The following CNTNAP3 variants were observed in gnomAD, a reference collection of about 807,000 sequenced individuals.
CNTNAP3 encodes contactin-associated protein-like 3.
In CNTNAP3, 36 loss-of-function variants were observed where a neutral mutation model predicts 92.1. That is an observed-to-expected ratio of 0.39 (90% confidence interval 0.30 to 0.52). CNTNAP3 has a LOEUF of 0.52. Ranked by LOEUF, CNTNAP3 falls within the 20% of genes least tolerant of loss-of-function variation. The pLI is 0.76. For missense variants in CNTNAP3, 534 were observed against 1,069.6 expected, an observed-to-expected ratio of 0.50 and a Z score of 6.98; for synonymous variants, 232 against 422.3, an observed-to-expected ratio of 0.55 and a Z score of 5.53.
At chr9:39,119,355 CAAAAA>C (rs35344011) in intron 13 of CNTNAP3, among the ~76,000 whole-genome samples, 2 of 101,278 alleles carry the variant, frequency 2.0e-5, no homozygotes, top group Non-Finnish European at 4.2e-5. Context: ...GCCCCTCTGC[CAAAAA>C]AAAAAAAAAA....
Position 39,247,474 on chromosome 9 carries a change from C to A in CNTNAP3, c.197-8288G>T, listed in dbSNP as rs2118317077. Among the ~76,000 whole-genome samples the A allele has an allele frequency of 7.4e-4, 2 of 2,700 alleles. 1 individual carries two copies. Among genetic ancestry groups the A allele is most frequent in the African/African-American group, 7.8e-4 (2 of 2,568 alleles). The allele number at this position is 2,700 out of a possible 152,430, so 1.8% of individuals were successfully genotyped here. On this transcript the variant is annotated intron_variant, in intron 2 of 23. Transcript: ENST00000297668. ...CACGTTTAGGGTCCGTAACCCCCAC[C>A]ACAATCAAGAAAGAGAACGACTTCA...
chr9:39,101,189 A>G (rs961875524), intron 17 of CNTNAP3, among the ~76,000 whole-genome samples: 4 of 149,074 alleles, frequency 2.7e-5, no homozygotes, highest in African/African-American at 9.9e-5. Context: ...ACTGCACCTT[A>G]ATAGAAGAGC....
intron 15 of CNTNAP3, among the ~76,000 whole-genome samples, chr9:39,107,240 GGAAA>G (rs971228009): frequency 1.5e-3 from 226 of 147,582 alleles, no homozygotes; most frequent in African/African-American, 5.5e-3. Context: ...AAAGAAGACA[GGAAA>G]GAAAGAAAGA....
chr9:39,141,440 A>T (rs377476999), intron 11 of CNTNAP3, among the ~76,000 whole-genome samples: 1 of 152,182 alleles, frequency 6.6e-6, no homozygotes, highest in Non-Finnish European at 1.5e-5. Context: ...AAGCTGATTT[A>T]AAAAAGAAAC....
At chr9:39,099,491 C>T (rs546987548) in intron 18 of CNTNAP3, among the ~76,000 whole-genome samples, 118 of 152,258 alleles carry the variant, frequency 7.7e-4, no homozygotes, top group African/African-American at 2.4e-3. Flanking sequence ...ATGGGTAAGA[C>T]GATTGCTCAA....
chr9:39,152,780 C>T lies in CNTNAP3; in HGVS notation c.1478-2803G>A, dbSNP rs1270259385. On this transcript the variant is annotated intron_variant, in intron 9 of 23. Coordinates refer to ENST00000297668, the MANE Select transcript of CNTNAP3 (RefSeq NM_033655.5). ...ACAGCATTCTCCTGCCTCAGCCTCC[C>T]GAGTGGCTGGGACTACAGGCACGCG... Among the ~76,000 whole-genome samples, 3 of 135,232 alleles carry T rather than the reference C, an allele frequency of 2.2e-5. No homozygotes were observed. The East Asian group carries it at 6.5e-4, about 29-fold the overall frequency. 88.7% of individuals were successfully genotyped at this position (135,232 alleles called of 152,430 possible).
Position 39,103,923 on chromosome 9 carries a change from AAT to A in CNTNAP3, c.2366-11_2366-10del, listed in dbSNP as rs1487951908. The A allele has an allele frequency of 6.4e-7, 1 of 1,572,204 alleles. No individual in the cohort carries two copies. The highest frequency in any genetic ancestry group is 1.4e-5 in the African/African-American group (1 of 72,680). ...TGAATTCCAGAATGACTCTGTTTAC[AAT>A]AGAGAAAACGACAAAAGGAAAAAAA... On this transcript the variant is annotated splice_polypyrimidine_tract_variant and intron_variant, in intron 15 of 23. Coordinates refer to ENST00000297668, the MANE Select transcript of CNTNAP3 (RefSeq NM_033655.5).
At chr9:39,111,704 T>C (rs1220776734) in intron 14 of CNTNAP3, among the ~76,000 whole-genome samples, 2 of 152,154 alleles carry the variant, frequency 1.3e-5, no homozygotes, top group African/African-American at 2.4e-5. Flanking sequence ...AATTTAATTA[T>C]TTATGGAGGA....
chr9:39,104,025 A>G, intron 15 of CNTNAP3, 111 bp from the exon 16 acceptor site: 1 of 1,488,436 alleles, frequency 6.7e-7, no homozygotes, highest in African/African-American at 1.4e-5. Flanking sequence ...TAGAATCTAT[A>G]TGAGCTTTCA....
At chr9:39,134,153 G>C (rs1319144314) in intron 12 of CNTNAP3, among the ~76,000 whole-genome samples, 1 of 151,994 alleles carries the variant, frequency 6.6e-6, no homozygotes, top group Admixed American at 6.6e-5. Flanking sequence ...TAACAACAGA[G>C]ATCAGAGGAA....
At chr9:39,115,316 G>C (rs1338864925) in intron 14 of CNTNAP3, among the ~76,000 whole-genome samples, 2 of 151,608 alleles carry the variant, frequency 1.3e-5, no homozygotes. Context: ...CTCAGTAATA[G>C]AAAATAAGTA....
At chr9:39,087,711 T>G (rs7047558) in intron 19 of CNTNAP3, among the ~76,000 whole-genome samples, 27,926 of 151,342 alleles carry the variant, frequency 0.18, 2,852 homozygotes, top group East Asian at 0.35. Context: ...TGGTCTCGAT[T>G]TCCTGACCTC....
Position 39,078,700 on chromosome 9 carries a change from C to CT in CNTNAP3, c.3662_3663insA (p.Ala1224ArgfsTer9). The CT allele has an allele frequency of 6.5e-7, 1 of 1,534,284 alleles. No homozygotes were observed. The highest frequency in any genetic ancestry group is 8.7e-7 in the Non-Finnish European group (1 of 1,143,368). ...TGGAGGGCCACACACCTGCGCCCCC[C>CT]GCGAGTCGGGGAGCCAGTTCCCGCG... On this transcript the variant is annotated frameshift_variant, in exon 22 of 24. Transcript: ENST00000297668. LOFTEE classifies it high-confidence loss of function.
chr9:39,179,298 C>CACAT (rs1822404751), intron 4 of CNTNAP3, among the ~76,000 whole-genome samples: 1 of 130,346 alleles, frequency 7.7e-6, no homozygotes, highest in Non-Finnish European at 1.6e-5. Flanking sequence ...CACACACACA[C>CACAT]ACACACACAC....
Position 39,096,939 on chromosome 9 carries a change from C to T in CNTNAP3, c.2995+2972G>A, listed in dbSNP as rs146600149. 7.9e-3 allele frequency among the ~76,000 whole-genome samples: 1,189 copies of T among 150,990 alleles called. 15 individuals carry two copies. Among genetic ancestry groups the T allele is most frequent in the Non-Finnish European group, 0.014 (918 of 67,708 alleles). On this transcript the variant is annotated intron_variant, in intron 18 of 23. Coordinates refer to ENST00000297668, the MANE Select transcript of CNTNAP3 (RefSeq NM_033655.5). The stretch of plus-strand genomic sequence containing the variant: ...TTTATTAATTTGGGGGTGTTTTCAA[C>T]CATTATTTTTCAAATATTTTTTTCT...
At chr9:39,078,079 C>T (rs1357342039) in intron 23 of CNTNAP3, among the ~76,000 whole-genome samples, 3 of 152,404 alleles carry the variant, frequency 2.0e-5, no homozygotes, top group Admixed American at 1.3e-4. Flanking sequence ...TAGTGGCACA[C>T]TCTTATAACC....
At position 39,068,598 on chromosome 9, in the gene CNTNAP3, A is replaced by C. The variant is rs1241861347; in HGVS notation, c.*5292T>G. ...CTCAGGTAGTTTCATGCACTTTGTT[A>C]CACACTGAAGGGCGACCCTCTCCAG... On this transcript the variant is annotated 3_prime_UTR_variant, in exon 24 of 24. Coordinates refer to ENST00000297668, the MANE Select transcript of CNTNAP3 (RefSeq NM_033655.5). 2.0e-5 allele frequency among the ~76,000 whole-genome samples: 3 copies of C among 152,416 alleles called. No homozygotes were observed.
intron 18 of CNTNAP3, among the ~76,000 whole-genome samples, chr9:39,090,019 A>C (rs1288290878): frequency 6.6e-6 from 1 of 152,104 alleles, no homozygotes; most frequent in Non-Finnish European, 1.5e-5. Context: ...TGCTCACTGC[A>C]AGCTCTGCCT....
At chr9:39,121,675 T>G (rs1436812165) in intron 13 of CNTNAP3, among the ~76,000 whole-genome samples, 1 of 152,044 alleles carries the variant, frequency 6.6e-6, no homozygotes, top group African/African-American at 2.4e-5. Flanking sequence ...TGAAAACTCC[T>G]AGAGTGGGGG....
Sources: gnomAD v4.1 joint callset for allele counts (sites outside exome capture counted in the v4.1 genomes callset) on GRCh38, gnomAD v4.1.1 for gene constraint, MANE v1.5 for transcripts, NCBI Gene and HGNC (gene_info 2026-07-23, HGNC 2026-07-21) for gene names.